Variants in CSMD1 observed in about 807,000 individuals in gnomAD.
CSMD1 encodes the protein CUB and sushi domain-containing protein 1.
CSMD1 carries 213 observed loss-of-function variants against 417.5 expected under a neutral mutation model. The ratio of observed to expected loss-of-function variants is 0.51; its 90% confidence interval spans 0.46 to 0.57. CSMD1 has a LOEUF of 0.57. CSMD1 is among the 20% of genes least tolerant of loss of function. The probability of loss-of-function intolerance (pLI) is 0.00; values close to 1 mark genes in which losing one functional copy is unlikely to be tolerated. For missense variants in CSMD1, 6,923 were observed against 4,529.7 expected (o/e 1.53, Z -15.17); for synonymous variants, 2,862 against 1,736.8 (o/e 1.65, Z -16.11).
chr8:4,197,940 C>T (rs369134655), intron 3 of CSMD1, among the ~76,000 whole-genome samples: 1 of 152,262 alleles, frequency 6.6e-6, no homozygotes, highest in Non-Finnish European at 1.5e-5. Flanking sequence ...TAATTCTGTA[C>T]ACATTGTCTT....
At chr8:4,072,674 G>A (rs1318310919) in intron 3 of CSMD1, among the ~76,000 whole-genome samples, 3 of 152,116 alleles carry the variant, frequency 2.0e-5, no homozygotes, top group African/African-American at 7.2e-5. Context: ...TATTTCTGTG[G>A]ATCTCCTAGA....
intron 12 of CSMD1, among the ~76,000 whole-genome samples, chr8:3,414,965 T>C (rs1216206296): frequency 6.6e-6 from 1 of 152,244 alleles, no homozygotes; most frequent in Non-Finnish European, 1.5e-5. Context: ...ATGTACTTTT[T>C]GTGCTTTACT....
chr8:4,388,407 C>A (rs1351536187), intron 3 of CSMD1, among the ~76,000 whole-genome samples: 3 of 151,610 alleles, frequency 2.0e-5, no homozygotes, highest in African/African-American at 7.3e-5. Context: ...TTTGCAGAGA[C>A]CTGGATGACA....
At chr8:3,979,745 C>G (rs1315039817) in intron 5 of CSMD1, among the ~76,000 whole-genome samples, 1 of 152,204 alleles carries the variant, frequency 6.6e-6, no homozygotes, top group African/African-American at 2.4e-5. Flanking sequence ...AACTTCTAGC[C>G]TCAGAACTGT....
intron 5 of CSMD1, chr8:3,949,865 T>A (rs59675748): frequency 0.016 from 7,097 of 455,320 alleles, 387 homozygotes; most frequent in African/African-American, 0.13. Context: ...GGACATGGCC[T>A]CCTCATTCAG....
chr8:3,838,997 T>A (rs1366149347), intron 5 of CSMD1, among the ~76,000 whole-genome samples: 1 of 127,112 alleles, frequency 7.9e-6, no homozygotes, highest in Non-Finnish European at 1.6e-5. Context: ...ATCATATAAT[T>A]ATAATATTAT....
chr8:4,739,832 C>T (rs539336496), intron 1 of CSMD1, among the ~76,000 whole-genome samples: 1 of 152,236 alleles, frequency 6.6e-6, no homozygotes, highest in East Asian at 1.9e-4. Context: ...CTTTCCATGT[C>T]TGGCCCCCAT....
intron 18 of CSMD1, among the ~76,000 whole-genome samples, chr8:3,383,009 G>C (rs146808913): frequency 6.6e-6 from 1 of 152,168 alleles, no homozygotes; most frequent in Admixed American, 6.5e-5. Context: ...ACAATGAGAG[G>C]AGAAACAGGA....
intron 25 of CSMD1, among the ~76,000 whole-genome samples, chr8:3,296,431 C>T (rs1309167945): frequency 1.3e-5 from 2 of 152,050 alleles, no homozygotes; most frequent in Non-Finnish European, 2.9e-5. Context: ...GAGAGAGGTG[C>T]CTACGCACAG....
intron 3 of CSMD1, among the ~76,000 whole-genome samples, chr8:4,093,527 T>A (rs985728221): frequency 1.3e-5 from 2 of 152,192 alleles, no homozygotes; most frequent in African/African-American, 2.4e-5. Context: ...ATAGTGAAAT[T>A]TTACATACTA....
intron 1 of CSMD1, among the ~76,000 whole-genome samples, chr8:4,743,338 C>T (rs569382903): frequency 6.6e-6 from 1 of 152,110 alleles, no homozygotes; most frequent in African/African-American, 2.4e-5. Context: ...ACTAAATGGA[C>T]AAAAACCAAA....
At chr8:3,511,881 T>A (rs551760053) in intron 10 of CSMD1, among the ~76,000 whole-genome samples, 21 of 147,354 alleles carry the variant, frequency 1.4e-4, no homozygotes, top group African/African-American at 5.1e-4. Flanking sequence ...CGCCACAGAA[T>A]TTGCGTTTTT....
chr8:4,446,554 T>C (rs1001315007), intron 2 of CSMD1, among the ~76,000 whole-genome samples: 6 of 151,368 alleles, frequency 4.0e-5, no homozygotes, highest in East Asian at 1.9e-4. Context: ...TTCTGCTTTG[T>C]TTTGTTTTGT....
intron 5 of CSMD1, among the ~76,000 whole-genome samples, chr8:3,852,293 C>T (rs968760788): frequency 6.6e-6 from 1 of 151,926 alleles, no homozygotes; most frequent in Non-Finnish European, 1.5e-5. Flanking sequence ...AACTCCTGCC[C>T]CAGAATCAGA....
chr8:4,367,265 C>G (rs935536667), intron 3 of CSMD1, among the ~76,000 whole-genome samples: 1 of 152,098 alleles, frequency 6.6e-6, no homozygotes, highest in Non-Finnish European at 1.5e-5. Context: ...CCAGCCGGGC[C>G]AGACTGCATG....
intron 10 of CSMD1, among the ~76,000 whole-genome samples, chr8:3,514,268 T>C (rs1204528460): frequency 6.6e-6 from 1 of 152,210 alleles, no homozygotes; most frequent in Non-Finnish European, 1.5e-5. Context: ...GAAGCCATTA[T>C]AAATGGTGCA....
intron 8 of CSMD1, among the ~76,000 whole-genome samples, chr8:3,607,129 T>C (rs191822928): frequency 8.7e-4 from 133 of 152,342 alleles, no homozygotes; most frequent in African/African-American, 3.0e-3. Context: ...ACAAGCTTTT[T>C]TCTATTGTTC....
At chr8:4,209,910 G>T (rs1342726030) in intron 3 of CSMD1, among the ~76,000 whole-genome samples, 1 of 152,196 alleles carries the variant, frequency 6.6e-6, no homozygotes. Flanking sequence ...TGGTCTCCAT[G>T]GAAAGCGGTG....
intron 3 of CSMD1, among the ~76,000 whole-genome samples, chr8:4,083,428 T>C (rs1406207222): frequency 6.6e-6 from 1 of 152,174 alleles, no homozygotes; most frequent in Non-Finnish European, 1.5e-5. Flanking sequence ...TCACGCCACC[T>C]GACTTCAAAC....
Sources: gnomAD v4.1 joint callset for allele counts (sites outside exome capture counted in the v4.1 genomes callset) on GRCh38, gnomAD v4.1.1 for gene constraint, MANE v1.5 for transcripts, NCBI Gene and HGNC (gene_info 2026-07-23, HGNC 2026-07-21) for gene names.